AFG1L: variants seen among roughly 807,000 people sequenced by gnomAD.
AFG1L encodes the protein AFG1 like ATPase, also known as AFG1-like ATPase.
In AFG1L, 53 loss-of-function variants were observed where a neutral mutation model predicts 62.2. That is an observed-to-expected ratio of 0.85 (90% CI 0.68 to 1.07). AFG1L has a LOEUF of 1.07. Ranked by LOEUF, AFG1L falls within the 50% of genes least tolerant of loss-of-function variation. The pLI is 0.00. For synonymous variants in AFG1L, 228 were observed against 210.3 expected, an observed-to-expected ratio of 1.08 and a Z score of -0.73; for missense variants, 555 against 590.5, an observed-to-expected ratio of 0.94 and a Z score of 0.62.
At chr6:108,297,459 AGTC>A (rs1312153071) in intron 1 of AFG1L, among the ~76,000 whole-genome samples, 1 of 152,100 alleles carries the variant, frequency 6.6e-6, no homozygotes, top group Non-Finnish European at 1.5e-5. Context: ...CAGTATTCAG[AGTC>A]TGATTTACAA....
intron 7 of AFG1L, among the ~76,000 whole-genome samples, chr6:108,416,631 G>A (rs1267272163): frequency 2.0e-5 from 3 of 152,260 alleles, no homozygotes; most frequent in Admixed American, 1.3e-4. Flanking sequence ...GTAGGGACAT[G>A]GATGAAGCTG....
intron 6 of AFG1L, among the ~76,000 whole-genome samples, chr6:108,395,594 G>A (rs971357855): frequency 2.0e-5 from 3 of 151,728 alleles, no homozygotes; most frequent in Non-Finnish European, 4.4e-5. Flanking sequence ...TACAGACAGA[G>A]TTTCACCATG....
chr6:108,494,393 A>AT (rs1267063120), intron 10 of AFG1L, among the ~76,000 whole-genome samples: 4 of 151,650 alleles, frequency 2.6e-5, no homozygotes, highest in East Asian at 3.9e-4. Context: ...TGTCACATTG[A>AT]TTTTTTTGTT....
chr6:108,340,508 G>C (rs977519830), intron 2 of AFG1L, among the ~76,000 whole-genome samples: 17 of 152,052 alleles, frequency 1.1e-4, no homozygotes, highest in Admixed American at 2.6e-4. Flanking sequence ...GGGATTACAG[G>C]CGTGTGCCAC....
At chr6:108,438,186 T>G (rs1349215611) in intron 7 of AFG1L, among the ~76,000 whole-genome samples, 12 of 152,202 alleles carry the variant, frequency 7.9e-5, no homozygotes, top group Admixed American at 7.9e-4. Flanking sequence ...GGTGATTGTA[T>G]TGGTTTATTA....
intron 10 of AFG1L, 55 bp downstream of exon 10, chr6:108,477,347 C>T (rs192229275): frequency 1.5e-4 from 155 of 1,005,804 alleles, no homozygotes; most frequent in African/African-American, 1.2e-3. Context: ...TAAAATACTT[C>T]GTGTTTTCCT....
At chr6:108,428,291 A>G (rs1770913194) in intron 7 of AFG1L, among the ~76,000 whole-genome samples, 1 of 152,224 alleles carries the variant, frequency 6.6e-6, no homozygotes, top group South Asian at 2.1e-4. Flanking sequence ...AATTCTTTTT[A>G]ATGGCTGAGT....
At position 108,476,925 on chromosome 6, in the gene AFG1L, A is replaced by G. The variant is rs1264370381; in HGVS notation, c.951A>G (p.Lys317=). 1 of 1,613,684 alleles carries G rather than the reference A, an allele frequency of 6.2e-7. No homozygotes were observed. The highest frequency in any genetic ancestry group is 1.7e-5 in the Admixed American group (1 of 60,028). The change falls in exon 9 of 13, where the codon AAA becomes AAG. Residue 317 remains lysine, a synonymous_variant. Coordinates refer to ENST00000368977, the MANE Select transcript of AFG1L (RefSeq NM_145315.5). ...AGTTGTTTGATGAGCTGGCTCAGAA[A>G]CAAAATGATTGTACGTAAGTTAATT... The part of the protein sequence containing the change: ...MDKLFDELAQ[K]QNDLTRPRIL...
At position 108,502,037 on chromosome 6, in the gene AFG1L, T is replaced by G. The variant is rs561954038; in HGVS notation, c.1063-8175T>G. Reference sequence around the variant, plus strand: ...TTTTCTTGCCTCAATGTTTTGTTTCTTTTTACCCAGACAGAGTCTCACTCT... The same window carrying G: ...TTTTCTTGCCTCAATGTTTTGTTTCGTTTTACCCAGACAGAGTCTCACTCT... On this transcript the variant is annotated intron_variant, in intron 10 of 12. Coordinates refer to ENST00000368977, the MANE Select transcript of AFG1L (RefSeq NM_145315.5). Among the ~76,000 whole-genome samples, 55 of 152,328 alleles carry G rather than the reference T, an allele frequency of 3.6e-4. No homozygotes were observed. The Middle Eastern group carries it at 0.017, about 47-fold the overall frequency.
chr6:108,415,860 G>A (rs1303053963), intron 7 of AFG1L, among the ~76,000 whole-genome samples: 1 of 152,156 alleles, frequency 6.6e-6, no homozygotes, highest in African/African-American at 2.4e-5. Flanking sequence ...ATAGGCATGG[G>A]CAAGGACTTC....
At chr6:108,460,085 A>G (rs529004053) in intron 8 of AFG1L, among the ~76,000 whole-genome samples, 2 of 152,292 alleles carry the variant, frequency 1.3e-5, no homozygotes, top group Non-Finnish European at 2.9e-5. Context: ...AAAAAGCTAC[A>G]GCGCAATAAA....
chr6:108,378,872 A>T, intron 6 of AFG1L, among the ~76,000 whole-genome samples: 1 of 149,720 alleles, frequency 6.7e-6, no homozygotes, highest in Non-Finnish European at 1.5e-5. Context: ...ATTATTATTA[A>T]TTCTTCTTTC....
chr6:108,448,786 T>C (rs1771923826), intron 8 of AFG1L, among the ~76,000 whole-genome samples: 1 of 152,178 alleles, frequency 6.6e-6, no homozygotes, highest in Admixed American at 6.6e-5. Flanking sequence ...ACACTAACAA[T>C]GTCCAGAGTC....
rs905999284 is a variant in AFG1L at position 108,453,926 on chromosome 6, C to T, written c.890+6630C>T. 3.3e-5 allele frequency among the ~76,000 whole-genome samples: 5 copies of T among 152,188 alleles called. No homozygotes were observed. In the East Asian group the frequency reaches 5.8e-4, roughly 18 times the overall value. On this transcript the variant is annotated intron_variant, in intron 8 of 12. Coordinates refer to ENST00000368977, the MANE Select transcript of AFG1L (RefSeq NM_145315.5). ...TCCTGTTTCAATTCCCACTGAAGAA[C>T]CTCTGAAACATTCACCAGTGCAAGC...
intron 1 of AFG1L, among the ~76,000 whole-genome samples, chr6:108,305,153 A>G (rs377485928): frequency 2.2e-4 from 34 of 152,316 alleles, no homozygotes; most frequent in African/African-American, 7.5e-4. Context: ...AATGGAATGT[A>G]CTCAACTTTA....
At chr6:108,323,047 C>T (rs1352504621) in intron 1 of AFG1L, among the ~76,000 whole-genome samples, 3 of 152,138 alleles carry the variant, frequency 2.0e-5, no homozygotes, top group Non-Finnish European at 4.4e-5. Context: ...AAGCAGAGGG[C>T]TGAAATCGAT....
intron 10 of AFG1L, among the ~76,000 whole-genome samples, chr6:108,479,565 AT>A (rs1025634935): frequency 1.3e-5 from 2 of 152,088 alleles, no homozygotes; most frequent in Non-Finnish European, 2.9e-5. Context: ...GTTTATGACT[AT>A]TTTCTTGTTA....
At chr6:108,500,759 G>T (rs950520798) in intron 10 of AFG1L, among the ~76,000 whole-genome samples, 1 of 152,094 alleles carries the variant, frequency 6.6e-6, no homozygotes, top group Non-Finnish European at 1.5e-5. Flanking sequence ...GAACTAATTT[G>T]CATTCCCACC....
intron 10 of AFG1L, among the ~76,000 whole-genome samples, chr6:108,485,643 TA>T (rs1562189747): frequency 2.6e-4 from 5 of 19,366 alleles, no homozygotes; most frequent in African/African-American, 7.7e-4. Flanking sequence ...TATATATATA[TA>T]TATATATATA....
Sources: allele counts gnomAD v4.1 joint callset (sites outside exome capture counted in the v4.1 genomes callset), GRCh38; gene constraint gnomAD v4.1.1; transcripts MANE v1.5; gene names NCBI Gene and HGNC (gene_info 2026-07-23, HGNC 2026-07-21).